The following RABEP1 variants were observed in gnomAD, a reference collection of about 807,000 sequenced individuals.
The protein encoded by RABEP1 is rab GTPase-binding effector protein 1.
A neutral mutation model predicts 123.4 loss-of-function variants in RABEP1; 51 were observed. The ratio of observed to expected loss-of-function variants is 0.41; its 90% CI spans 0.33 to 0.52. The LOEUF (loss-of-function observed/expected upper bound fraction) is 0.52. RABEP1 is among the 20% of genes least tolerant of loss of function. The pLI, the probability that RABEP1 is intolerant of heterozygous loss-of-function variation, is 0.16. For synonymous variants in RABEP1, 347 were observed against 355.2 expected, an observed-to-expected ratio of 0.98 and a Z score of 0.26; for missense variants, 888 against 996.3, an observed-to-expected ratio of 0.89 and a Z score of 1.46.
intron 8 of RABEP1, among the ~76,000 whole-genome samples, chr17:5,357,014 A>C (rs1597380765): frequency 6.6e-6 from 1 of 151,900 alleles, no homozygotes; most frequent in East Asian, 1.9e-4. Context: ...AGTAGCTGGG[A>C]TTACAGGCAT....
intron 15 of RABEP1, among the ~76,000 whole-genome samples, chr17:5,379,435 G>GA (rs1346850819): frequency 1.3e-5 from 2 of 152,018 alleles, no homozygotes; most frequent in Admixed American, 1.3e-4. Flanking sequence ...TATTCAGAAG[G>GA]AAAAAGTCTG....
intron 4 of RABEP1, among the ~76,000 whole-genome samples, chr17:5,337,501 C>T (rs1049154979): frequency 6.6e-5 from 10 of 151,812 alleles, no homozygotes; most frequent in East Asian, 1.9e-4. Context: ...CTGGCTAACA[C>T]GATGAAACCC....
intron 17 of RABEP1, among the ~76,000 whole-genome samples, chr17:5,382,564 CAAT>C (rs1433114903): frequency 6.6e-6 from 1 of 150,682 alleles, no homozygotes; most frequent in East Asian, 2.0e-4. Context: ...GATTGACCAA[CAAT>C]ATGGTGAAAC....
At chr17:5,291,368 T>C (rs28489940) in intron 1 of RABEP1, among the ~76,000 whole-genome samples, 83,982 of 151,996 alleles carry the variant, frequency 0.55, 24,494 homozygotes, top group East Asian at 0.95. Flanking sequence ...GCCAAGATCG[T>C]GCCATTGCAC....
chr17:5,286,156 T>G (rs1181859074), intron 1 of RABEP1, among the ~76,000 whole-genome samples: 3 of 152,224 alleles, frequency 2.0e-5, no homozygotes, highest in Non-Finnish European at 4.4e-5. Context: ...CTACAAGCTC[T>G]GGATGATGTC....
intron 5 of RABEP1, among the ~76,000 whole-genome samples, chr17:5,345,630 T>C (rs1908004688): frequency 6.6e-6 from 1 of 152,246 alleles, no homozygotes; most frequent in Non-Finnish European, 1.5e-5. Flanking sequence ...AGAGAAAGTA[T>C]TTCATGATAG....
chr17:5,381,481 T>C lies in RABEP1; in HGVS notation c.2463T>C (p.Phe821=), dbSNP rs1222179810. 6.2e-7 allele frequency: 1 copy of C among 1,613,560 alleles called. No individual in the cohort carries two copies. Among genetic ancestry groups the C allele is most frequent in the East Asian group, 2.2e-5 (1 of 44,810 alleles). Residue 821 remains phenylalanine, a synonymous_variant, in exon 17 of 18, where the codon TTT becomes TTC. Coordinates refer to ENST00000537505, the MANE Select transcript of RABEP1 (RefSeq NM_004703.6). The part of the protein sequence containing the change: ...LDVSEQVQRD[F]VKLSQTLQVQ... ...TCAGTGAGCAAGTCCAGAGGGATTTTGTAAAGCTTTCACAGACCCTTCAGG... is the reference window on the plus strand; with the variant it reads ...TCAGTGAGCAAGTCCAGAGGGATTTCGTAAAGCTTTCACAGACCCTTCAGG...
chr17:5,379,934 C>T (rs1911311723), intron 15 of RABEP1, among the ~76,000 whole-genome samples: 1 of 152,190 alleles, frequency 6.6e-6, no homozygotes, highest in African/African-American at 2.4e-5. Flanking sequence ...GCCGAACATG[C>T]CACTGTTGCT....
At chr17:5,312,616 A>G (rs968071670) in intron 2 of RABEP1, among the ~76,000 whole-genome samples, 8 of 151,550 alleles carry the variant, frequency 5.3e-5, no homozygotes, top group Non-Finnish European at 8.8e-5. Flanking sequence ...GCTGTTTTTT[A>G]TTTTCTTTTA....
At position 5,323,723 on chromosome 17, in the gene RABEP1, A is replaced by AATATATATATATCTAGGAAT. The variant is rs1567522019; in HGVS notation, c.164-8215_164-8196dup. 8.7e-4 allele frequency among the ~76,000 whole-genome samples: 60 copies of AATATATATATATCTAGGAAT among 69,226 alleles called. 14 individuals carry two copies. Among genetic ancestry groups the AATATATATATATCTAGGAAT allele is most frequent in the African/African-American group, 5.1e-3 (57 of 11,086 alleles). The allele number at this position is 69,226 out of a possible 152,430, so 45.4% of individuals were successfully genotyped here. A position where few individuals can be genotyped will look rare whatever the true frequency, so the allele number is the denominator to read the frequency against. ...CTAGGAATATATATATATATCTAGG[A>AATATATATATATCTAGGAAT]ATATATATATATCTAGGAATATATA... On this transcript the variant is annotated intron_variant, in intron 2 of 17. Coordinates refer to ENST00000537505, the MANE Select transcript of RABEP1 (RefSeq NM_004703.6).
At chr17:5,360,620 T>C (rs1179384238) in intron 8 of RABEP1, among the ~76,000 whole-genome samples, 3 of 152,224 alleles carry the variant, frequency 2.0e-5, no homozygotes, top group African/African-American at 7.2e-5. Flanking sequence ...GGCTTCTCCT[T>C]TGCTCATCCC....
At chr17:5,349,901 T>A (rs1010200962) in intron 6 of RABEP1, among the ~76,000 whole-genome samples, 2 of 152,172 alleles carry the variant, frequency 1.3e-5, no homozygotes, top group Admixed American at 6.5e-5. Context: ...TCCCTTTAAC[T>A]TGAAGTTTCT....
chr17:5,326,294 A>G (rs1905963369), intron 2 of RABEP1, among the ~76,000 whole-genome samples: 1 of 152,212 alleles, frequency 6.6e-6, no homozygotes, highest in Admixed American at 6.5e-5. Flanking sequence ...GAGACAGTGG[A>G]ATATTATTCC....
intron 2 of RABEP1, among the ~76,000 whole-genome samples, chr17:5,311,466 G>A (rs1266296133): frequency 6.6e-6 from 1 of 151,904 alleles, no homozygotes; most frequent in Non-Finnish European, 1.5e-5. Context: ...GGAGGCCGAG[G>A]CAGGCGGATC....
At chr17:5,285,978 T>C (rs370612171) in intron 1 of RABEP1, among the ~76,000 whole-genome samples, 1 of 152,232 alleles carries the variant, frequency 6.6e-6, no homozygotes, top group Non-Finnish European at 1.5e-5. Context: ...TGGATGTCCT[T>C]GTGCATATTT....
rs917459539 is a variant in RABEP1, at chr17:5,384,476, A to C, written c.*1253A>C. 4 of 216,402 alleles carry C rather than the reference A, an allele frequency of 1.8e-5. No homozygotes were observed. The highest frequency in any genetic ancestry group is 4.5e-5 in the African/African-American group (2 of 44,480). 13.4% of individuals were successfully genotyped at this position (216,402 alleles called of 1,614,324 possible). A position where few individuals can be genotyped will look rare whatever the true frequency, so the allele number is the denominator to read the frequency against. Reference sequence around the variant, plus strand: ...TCAAATCATTTTTGAGACTGGTTGCATAACAGCAGGGTACCTGAAAGAGCC... The same window carrying C: ...TCAAATCATTTTTGAGACTGGTTGCCTAACAGCAGGGTACCTGAAAGAGCC... On this transcript the variant is annotated 3_prime_UTR_variant, in exon 18 of 18. Coordinates refer to ENST00000537505, the MANE Select transcript of RABEP1 (RefSeq NM_004703.6).
chr17:5,383,735 T>TATTTCCCTTGCTCA lies in RABEP1; in HGVS notation c.*512_*513insATTTCCCTTGCTCA, dbSNP rs1319417924. On this transcript the variant is annotated 3_prime_UTR_variant, in exon 18 of 18. Transcript: ENST00000537505. ...TGAGAGCAGGCCATTGGCTACTGAC[T>TATTTCCCTTGCTCA]GTATTTTGTTTTCCTTTTACCATTT... The TATTTCCCTTGCTCA allele has an allele frequency of 2.7e-5, 2 of 75,068 alleles. No homozygotes were observed. The highest frequency in any genetic ancestry group is 1.8e-4 in the African/African-American group (1 of 5,664). 4.7% of individuals were successfully genotyped at this position (75,068 alleles called of 1,614,324 possible). A position where few individuals can be genotyped will look rare whatever the true frequency, so the allele number is the denominator to read the frequency against.
intron 1 of RABEP1, among the ~76,000 whole-genome samples, 162 bp from the exon 2 acceptor site, chr17:5,308,528 TCTTA>T (rs1443384727): frequency 6.6e-6 from 1 of 152,008 alleles, no homozygotes; most frequent in East Asian, 1.9e-4. Flanking sequence ...GCCTGGTCTG[TCTTA>T]CTTTTTTTAA....
chr17:5,299,662 AT>A (rs1298768131), intron 1 of RABEP1, among the ~76,000 whole-genome samples: 1 of 135,198 alleles, frequency 7.4e-6, no homozygotes, highest in African/African-American at 2.8e-5. Context: ...TTTGTTTCTC[AT>A]TTACAGGGCT....
Sources: gnomAD v4.1 joint callset for allele counts (sites outside exome capture counted in the v4.1 genomes callset) on GRCh38, gnomAD v4.1.1 for gene constraint, MANE v1.5 for transcripts, NCBI Gene and HGNC (gene_info 2026-07-23, HGNC 2026-07-21) for gene names.